The following DPYD variants were observed in gnomAD, a reference collection of about 807,000 sequenced individuals.
DPYD encodes dihydropyrimidine dehydrogenase [NADP(+)].
A neutral mutation model predicts 116.2 loss-of-function variants in DPYD; 109 were observed. That is an observed-to-expected ratio of 0.94 (90% confidence interval 0.80 to 1.10). The LOEUF is 1.10. Ranked by LOEUF, DPYD falls within the 50% of genes least tolerant of loss-of-function variation. DPYD has a pLI of 0.00. For synonymous variants in DPYD, 440 were observed against 432.0 expected, an observed-to-expected ratio of 1.02 and a Z score of -0.23; for missense variants, 1,302 against 1,254.5, an observed-to-expected ratio of 1.04 and a Z score of -0.57.
At chr1:97,518,934 T>G (rs987107702) in intron 12 of DPYD, among the ~76,000 whole-genome samples, 2 of 152,140 alleles carry the variant, frequency 1.3e-5, no homozygotes, top group African/African-American at 4.8e-5. Flanking sequence ...AACACATATA[T>G]CTATTTTGCT....
intron 2 of DPYD, among the ~76,000 whole-genome samples, chr1:97,861,121 T>C (rs888564972): frequency 8.6e-5 from 13 of 151,988 alleles, no homozygotes; most frequent in Admixed American, 7.2e-4. Context: ...TTTCTCAAAA[T>C]ACACCGCAAA....
chr1:97,311,009 T>A (rs1029025430), intron 16 of DPYD, among the ~76,000 whole-genome samples: 1 of 151,710 alleles, frequency 6.6e-6, no homozygotes, highest in African/African-American at 2.4e-5. Context: ...ATGCATACAT[T>A]TATTAAAATT....
intron 2 of DPYD, among the ~76,000 whole-genome samples, chr1:97,843,971 T>C (rs961691440): frequency 9.8e-5 from 15 of 152,300 alleles, no homozygotes; most frequent in Non-Finnish European, 2.2e-4. Context: ...GTTTATCAGA[T>C]AGTGTTAAAC....
At chr1:97,790,279 C>G (rs796195787) in intron 3 of DPYD, among the ~76,000 whole-genome samples, 2 of 152,260 alleles carry the variant, frequency 1.3e-5, no homozygotes, top group African/African-American at 4.8e-5. Context: ...AGATCACGTG[C>G]TTTTTACACA....
intron 18 of DPYD, among the ~76,000 whole-genome samples, chr1:97,245,869 A>G (rs1272775294): frequency 3.3e-5 from 5 of 152,138 alleles, no homozygotes; most frequent in Admixed American, 1.3e-4. Context: ...GCTGTACTGT[A>G]AAACCATTCC....
intron 18 of DPYD, among the ~76,000 whole-genome samples, chr1:97,242,224 A>C (rs1475379966): frequency 6.8e-6 from 1 of 146,172 alleles, no homozygotes; most frequent in Admixed American, 6.9e-5. Context: ...ACACAAAGTT[A>C]CATATACAAC....
intron 12 of DPYD, among the ~76,000 whole-genome samples, chr1:97,518,315 A>G (rs1648381163): frequency 6.6e-6 from 1 of 152,104 alleles, no homozygotes; most frequent in South Asian, 2.1e-4. Flanking sequence ...TTCACTTGTC[A>G]TAGGCAGTCT....
rs1036382225 is a variant in DPYD at position 97,860,081 on chromosome 1, G to A, written c.150+23183C>T. Among the ~76,000 whole-genome samples the A allele has an allele frequency of 4.6e-5, 7 of 152,208 alleles. No homozygotes were observed. In the East Asian group the frequency reaches 5.8e-4, roughly 13 times the overall value. On this transcript the variant is annotated intron_variant, in intron 2 of 22. Coordinates refer to ENST00000370192, the MANE Select transcript of DPYD (RefSeq NM_000110.4). ...TATTAGGCTGGGTGCGGTGGCTCAC[G>A]GCTATAATCCCAGCACTTTGGGAGG...
intron 11 of DPYD, among the ~76,000 whole-genome samples, chr1:97,550,907 C>T (rs1369927115): frequency 6.6e-6 from 1 of 152,028 alleles, no homozygotes; most frequent in Non-Finnish European, 1.5e-5. Context: ...ATAAAATAAA[C>T]ACTGGTATAT....
chr1:97,161,609 T>C (rs2101745351), intron 20 of DPYD, among the ~76,000 whole-genome samples: 1 of 151,982 alleles, frequency 6.6e-6, no homozygotes, highest in Admixed American at 6.6e-5. Flanking sequence ...TTAGGGTACA[T>C]GTGCACAATG....
chr1:97,607,387 T>C (rs547145861), intron 8 of DPYD, among the ~76,000 whole-genome samples: 12 of 151,850 alleles, frequency 7.9e-5, no homozygotes, highest in Non-Finnish European at 1.5e-4. Context: ...TTCAGTATAG[T>C]GGAAGAGGGG....
At chr1:97,557,601 C>G (rs1007630521) in intron 11 of DPYD, among the ~76,000 whole-genome samples, 15 of 152,114 alleles carry the variant, frequency 9.9e-5, no homozygotes, top group Non-Finnish European at 1.5e-4. Flanking sequence ...CAGGCATGAG[C>G]CATCGCATCT....
intron 8 of DPYD, among the ~76,000 whole-genome samples, chr1:97,667,134 C>G (rs936773708): frequency 4.6e-5 from 7 of 152,058 alleles, no homozygotes; most frequent in Non-Finnish European, 8.8e-5. Flanking sequence ...CCACAACATA[C>G]AAAATATTTG....
chr1:97,724,463 T>A (rs533560873), intron 4 of DPYD, among the ~76,000 whole-genome samples: 2 of 151,418 alleles, frequency 1.3e-5, no homozygotes, highest in Non-Finnish European at 3.0e-5. Flanking sequence ...GAAGAGCCAA[T>A]GTTTTAGTTC....
At chr1:97,203,660 A>G (rs1659371411) in intron 19 of DPYD, among the ~76,000 whole-genome samples, 1 of 86,554 alleles carries the variant, frequency 1.2e-5, no homozygotes, top group Non-Finnish European at 2.1e-5. Flanking sequence ...GGATGAGTTC[A>G]GACCCCCCCC....
chr1:97,818,776 G>A (rs1668767338), intron 3 of DPYD, among the ~76,000 whole-genome samples: 1 of 151,786 alleles, frequency 6.6e-6, no homozygotes, highest in Non-Finnish European at 1.5e-5. Flanking sequence ...GTGTGCATGT[G>A]TATATATGTG....
intron 6 of DPYD, among the ~76,000 whole-genome samples, chr1:97,697,443 G>GA (rs1206062269): frequency 3.3e-5 from 5 of 152,048 alleles, no homozygotes; most frequent in African/African-American, 9.7e-5. Flanking sequence ...GCCGTAAGTA[G>GA]AAAATAAAGT....
intron 18 of DPYD, among the ~76,000 whole-genome samples, chr1:97,245,652 C>T (rs780268025): frequency 2.0e-5 from 3 of 151,934 alleles, no homozygotes; most frequent in Admixed American, 1.3e-4. Context: ...TGCCGATGAC[C>T]GGAGTTTCAT....
At chr1:97,782,206 G>A (rs534325054) in intron 3 of DPYD, among the ~76,000 whole-genome samples, 61 of 152,276 alleles carry the variant, frequency 4.0e-4, no homozygotes, top group African/African-American at 1.3e-3. Context: ...GCAAACAAAG[G>A]TCTGTGGAGG....
Sources: gnomAD v4.1 joint callset for allele counts (sites outside exome capture counted in the v4.1 genomes callset) on GRCh38, gnomAD v4.1.1 for gene constraint, MANE v1.5 for transcripts, NCBI Gene and HGNC (gene_info 2026-07-23, HGNC 2026-07-21) for gene names.